The following PRDM16 variants were observed in gnomAD, a reference collection of about 807,000 sequenced individuals.
The protein encoded by PRDM16 is histone-lysine N-methyltransferase PRDM16.
PRDM16 carries 23 observed loss-of-function variants against 110.6 expected under a neutral mutation model. The ratio of observed to expected loss-of-function variants is 0.21; its 90% CI spans 0.15 to 0.29. The LOEUF (loss-of-function observed/expected upper bound fraction) is 0.29, where lower values mean the gene tolerates loss of function less well. Ranked by LOEUF, PRDM16 falls within the 10% of genes least tolerant of loss-of-function variation. The pLI is 1.00. For synonymous variants in PRDM16, 799 were observed against 781.8 expected (o/e 1.02, Z -0.37); for missense variants, 1,615 against 1,794.3 (o/e 0.90, Z 1.81).
Position 3,350,386 on chromosome 1 carries a change from G to C in PRDM16, c.439-34766G>C, listed in dbSNP as rs1002278813. ...GGAGGCGGCTCTCTACCTCCAACCT[G>C]GGCACCCTTGAAGCCACCCCCTCTT... On this transcript the variant is annotated intron_variant, in intron 3 of 16. Coordinates refer to ENST00000270722, the MANE Select transcript of PRDM16 (RefSeq NM_022114.4). This position sits in a 1 kb window ranked among gnomAD's most constrained non-coding sequence, Gnocchi z 7.1. 6.6e-6 allele frequency among the ~76,000 whole-genome samples: 1 copy of C among 152,054 alleles called. No individual in the cohort carries two copies. Among genetic ancestry groups the C allele is most frequent in the African/African-American group, 2.4e-5 (1 of 41,428 alleles).
At chr1:3,172,208 G>T (rs1644033810) in intron 1 of PRDM16, among the ~76,000 whole-genome samples, 1 of 152,158 alleles carries the variant, frequency 6.6e-6, no homozygotes, top group Non-Finnish European at 1.5e-5. Flanking sequence ...GGTCTTCCCG[G>T]TTGGATTCGT....
chr1:3,230,878 C>A (rs1390173747), intron 2 of PRDM16, among the ~76,000 whole-genome samples: 2 of 152,168 alleles, frequency 1.3e-5, no homozygotes, highest in African/African-American at 4.8e-5. Flanking sequence ...TTTGCCTTGG[C>A]CGTTTGGTGT....
Position 3,425,749 on chromosome 1 carries a change from A to T in PRDM16, c.3108A>T (p.Pro1036=). 4 of 1,613,482 alleles carry T rather than the reference A, an allele frequency of 2.5e-6. No homozygotes were observed. Among genetic ancestry groups the T allele is most frequent in the Non-Finnish European group, 3.4e-6 (4 of 1,179,914 alleles). The change falls in exon 13 of 17, where the codon CCA becomes CCT. Residue 1036 remains proline (P), a splice_region_variant and synonymous_variant. Coordinates refer to ENST00000270722, the MANE Select transcript of PRDM16 (RefSeq NM_022114.4). The surrounding 1 kb of genome is among the most constrained non-coding windows in gnomAD (Gnocchi z 6.9). ...HLKKHEHENA[P]VSQHPGVLTN... is the part of the protein sequence containing the mutation. Reference sequence around the variant, plus strand: ...AGAAGCACGAGCACGAGAACGCACCAGGTGGGCCACGCGGGGTGGGGCAGC... The same window carrying T: ...AGAAGCACGAGCACGAGAACGCACCTGGTGGGCCACGCGGGGTGGGGCAGC...
At chr1:3,186,672 GC>G (rs1644272551) in intron 2 of PRDM16, 198 bp downstream of exon 2, 3 of 525,886 alleles carry the variant, frequency 5.7e-6, no homozygotes, top group African/African-American at 1.9e-5. Context: ...CCTCGTGGGT[GC>G]CTGTCAGCCC....
chr1:3,127,978 G>A (rs561431969), intron 1 of PRDM16: 12 of 154,938 alleles, frequency 7.7e-5, no homozygotes, highest in Admixed American at 3.3e-4. Flanking sequence ...CTGGGAACAC[G>A]TCCTCCAGCT....
intron 1 of PRDM16, among the ~76,000 whole-genome samples, chr1:3,091,756 G>A (rs1234649323): frequency 1.3e-5 from 2 of 152,188 alleles, no homozygotes; most frequent in Non-Finnish European, 2.9e-5. Flanking sequence ...TATATGGGTC[G>A]TGAGCTCGGG....
chr1:3,431,224 A>G, intron 15 of PRDM16, 116 bp downstream of exon 15: 2 of 1,449,248 alleles, frequency 1.4e-6, no homozygotes, highest in Non-Finnish European at 1.8e-6. Context: ...CCCCTACTCC[A>G]GCACAGCCAC....
chr1:3,373,795 A>C lies in PRDM16; in HGVS notation c.439-11357A>C, dbSNP rs917435498. 2.0e-5 allele frequency among the ~76,000 whole-genome samples: 3 copies of C among 152,252 alleles called. No homozygotes were observed. In the East Asian group the frequency reaches 5.8e-4, roughly 29 times the overall value. On this transcript the variant is annotated intron_variant, in intron 3 of 16. Coordinates refer to ENST00000270722, the MANE Select transcript of PRDM16 (RefSeq NM_022114.4). ...ATTGCAGCCAGGAAGGAGCCCAGCC[A>C]ACGCGTGCTGCCCTCCCTGCCATCC... is the stretch of plus-strand genomic sequence containing the variant.
intron 2 of PRDM16, among the ~76,000 whole-genome samples, chr1:3,242,456 CTGGGA>C (rs1336177258): frequency 6.6e-6 from 1 of 152,230 alleles, no homozygotes; most frequent in Non-Finnish European, 1.5e-5. Context: ...TTCACCAGAC[CTGGGA>C]TGGCCAAACG....
At chr1:3,309,150 G>A (rs1641382471) in intron 3 of PRDM16, 1 of 152,218 alleles carries the variant, frequency 6.6e-6, no homozygotes, top group Non-Finnish European at 1.5e-5. Flanking sequence ...GAGGGCACCG[G>A]ACCTTCTGCC....
chr1:3,365,839 G>A (rs1307544168), intron 3 of PRDM16, among the ~76,000 whole-genome samples: 1 of 152,220 alleles, frequency 6.6e-6, no homozygotes. Context: ...CCTTTGTGGG[G>A]CTGCAGGGAC....
intron 1 of PRDM16, among the ~76,000 whole-genome samples, chr1:3,105,054 G>A (rs1557448889): frequency 1.3e-5 from 2 of 152,068 alleles, no homozygotes. Context: ...GGAGCGGGGG[G>A]TGGGGGCGGG....
chr1:3,214,290 A>G (rs140591563), intron 2 of PRDM16, among the ~76,000 whole-genome samples: 37 of 152,298 alleles, frequency 2.4e-4, no homozygotes, highest in African/African-American at 7.7e-4. Flanking sequence ...CTCTGTTTCT[A>G]TGCAAAAATA....
intron 2 of PRDM16, among the ~76,000 whole-genome samples, chr1:3,240,034 GGAGAAGAGGAGAGGAGAGGAGAA>G (rs529480916): frequency 0.019 from 2,622 of 138,192 alleles, 67 homozygotes; most frequent in African/African-American, 0.053. Flanking sequence ...GAAGAGGAGA[GGAGAAGAGGAGAGGAGAGGAGAA>G]GAGGAGAGGA....
intron 1 of PRDM16, among the ~76,000 whole-genome samples, chr1:3,105,054 G>T (rs1557448889): frequency 6.6e-6 from 1 of 152,068 alleles, no homozygotes; most frequent in South Asian, 2.1e-4. Flanking sequence ...GGAGCGGGGG[G>T]TGGGGGCGGG....
intron 1 of PRDM16, among the ~76,000 whole-genome samples, chr1:3,181,867 TACACACGGTCTTGC>T (rs1303624388): frequency 1.0e-5 from 1 of 98,972 alleles, no homozygotes; most frequent in East Asian, 2.4e-4. Flanking sequence ...CACGCAGTCT[TACACACGGTCTTGC>T]ACACGCAGTC....
rs905600566 is a variant in PRDM16 at position 3,212,395 on chromosome 1, G to A, written c.387+25921G>A. On this transcript the variant is annotated intron_variant, in intron 2 of 16. Transcript: ENST00000270722. ...GTGGGCGGTGGGGGCAGGGCTGCCT[G>A]AGCGGGGGCACCTTTGAATTCTGGG... 1.2e-4 allele frequency among the ~76,000 whole-genome samples: 19 copies of A among 152,126 alleles called. No homozygotes were observed. The East Asian group carries it at 2.3e-3, about 19-fold the overall frequency.
At chr1:3,179,648 C>T (rs991139927) in intron 1 of PRDM16, among the ~76,000 whole-genome samples, 1 of 152,240 alleles carries the variant, frequency 6.6e-6, no homozygotes, top group Non-Finnish European at 1.5e-5. Flanking sequence ...CCAGCAGGCC[C>T]GCATGGCACC....
chr1:3,267,988 G>T (rs1334325725), intron 3 of PRDM16, among the ~76,000 whole-genome samples: 3 of 152,234 alleles, frequency 2.0e-5, no homozygotes, highest in African/African-American at 7.2e-5. Flanking sequence ...CCTGCCGTTC[G>T]CAAGCAACGC....
Sources: allele counts gnomAD v4.1 joint callset (sites outside exome capture counted in the v4.1 genomes callset), GRCh38; gene constraint gnomAD v4.1.1; non-coding constraint Gnocchi (gnomAD v3.1); transcripts MANE v1.5; gene names NCBI Gene and HGNC (gene_info 2026-07-23, HGNC 2026-07-21).